The following TFRC variants were observed in gnomAD, a reference collection of about 807,000 sequenced individuals.
The protein encoded by TFRC is transferrin receptor protein 1.
A neutral mutation model predicts 85.8 loss-of-function variants in TFRC; 35 were observed. The ratio of observed to expected loss-of-function variants is 0.41; its 90% CI spans 0.31 to 0.54. The LOEUF (loss-of-function observed/expected upper bound fraction) is 0.54, where lower values mean the gene tolerates loss of function less well. Among genes scored for constraint, TFRC ranks in the 20% least tolerant of loss-of-function variants. The pLI, the probability that TFRC is intolerant of heterozygous loss-of-function variation, is 0.31. For missense variants in TFRC, 828 were observed against 921.5 expected, an observed-to-expected ratio of 0.90 and a Z score of 1.31; for synonymous variants, 362 against 328.6, an observed-to-expected ratio of 1.10 and a Z score of -1.10.
At chr3:196,060,330 CAAAT>C in intron 13 of TFRC, 83 bp from the exon 14 acceptor site, 2 of 1,154,888 alleles carry the variant, frequency 1.7e-6, no homozygotes, top group Non-Finnish European at 2.6e-6. Context: ...AAGTACTTGA[CAAAT>C]AAGACAGTAA....
intron 17 of TFRC, 150 bp from the exon 18 acceptor site, chr3:196,053,708 C>T (rs1439283170): frequency 2.3e-6 from 2 of 853,792 alleles, no homozygotes; most frequent in Non-Finnish European, 3.7e-6. Context: ...ACAGGGGTTC[C>T]AAGCTCTATG....
At position 196,058,622 on chromosome 3, in the gene TFRC, G is replaced by A. The variant is rs761435422; in HGVS notation, c.1547C>T (p.Pro516Leu). 3.7e-6 allele frequency: 6 copies of A among 1,609,398 alleles called. No individual in the cohort carries two copies. The highest frequency in any genetic ancestry group is 2.2e-5 in the South Asian group (2 of 89,758). Residue 516 changes from proline to leucine, a missense_variant, in exon 15 of 19, where the codon CCG becomes CTG. Transcript: ENST00000360110. ...CTGATATAGAAATTGCCCAGTAACC[G>A]GATGCTTCACCTGTAAGATAAGAAA... ...IEKTMQNVKHPVTGQFLYQDS... is the reference protein window; with the variant it reads ...IEKTMQNVKHLVTGQFLYQDS...
At chr3:196,063,600 T>C (rs567342227) in intron 11 of TFRC, among the ~76,000 whole-genome samples, 4 of 151,516 alleles carry the variant, frequency 2.6e-5, no homozygotes, top group South Asian at 4.2e-4. Context: ...TGGGTAGGAG[T>C]GTGAAAGAGT....
At position 196,077,078 on chromosome 3, in the gene TFRC, C is replaced by G; in HGVS notation, c.22G>C (p.Ala8Pro). The change falls in exon 2 of 19, where the codon GCA becomes CCA. Residue 8 changes from alanine (A) to proline (P), a missense_variant. By Grantham distance (27) the Ala-to-Pro change is conservative. Transcript: ENST00000360110. ...AAATATCTTACCAAGTTAGAGAATGCTGATCTAGCTTGATCCATCATTCTG... is the reference window on the plus strand; with the variant it reads ...AAATATCTTACCAAGTTAGAGAATGGTGATCTAGCTTGATCCATCATTCTG... Reference protein sequence around the residue: MMDQARSAFSNLFGGEPL... With the variant: MMDQARSPFSNLFGGEPL... 1 of 1,613,602 alleles carries G rather than the reference C, an allele frequency of 6.2e-7. No homozygotes were observed. The highest frequency in any genetic ancestry group is 1.1e-5 in the South Asian group (1 of 91,014).
chr3:196,066,509 T>C (rs762507697), intron 9 of TFRC, among the ~76,000 whole-genome samples: 1 of 152,132 alleles, frequency 6.6e-6, no homozygotes, highest in Non-Finnish European at 1.5e-5. Context: ...ACCCAAATAA[T>C]AGCTGCTCCT....
At position 196,082,065 on chromosome 3, in the gene TFRC, G is replaced by A. The variant is rs1170967307; in HGVS notation, c.-46C>T. On this transcript the variant is annotated 5_prime_UTR_variant, in exon 1 of 19. Coordinates refer to ENST00000360110, the MANE Select transcript of TFRC (RefSeq NM_001128148.3). ...CACACTAGCGCGTCCTCCGTCCCGA[G>A]CCGCCACCCGATATCCCGACGCTCT... 1 of 153,352 alleles carries A rather than the reference G, an allele frequency of 6.5e-6. No homozygotes were observed. Among genetic ancestry groups the A allele is most frequent in the African/African-American group, 2.4e-5 (1 of 41,482 alleles). The allele number at this position is 153,352 out of a possible 1,614,324, so 9.5% of individuals were successfully genotyped here.
At chr3:196,058,709 T>C in intron 14 of TFRC, 77 bp from the exon 15 acceptor site, 1 of 947,358 alleles carries the variant, frequency 1.1e-6, no homozygotes, top group Non-Finnish European at 1.6e-6. Flanking sequence ...CATGTTACTC[T>C]ATAACAATTT....
intron 6 of TFRC, 87 bp downstream of exon 6, chr3:196,071,309 G>A (rs1193465775): frequency 2.3e-6 from 3 of 1,286,422 alleles, no homozygotes; most frequent in Non-Finnish European, 3.3e-6. Flanking sequence ...CATTTTACAG[G>A]TAAATTTATA....
chr3:196,068,639 T>C (rs1370524939), intron 7 of TFRC, among the ~76,000 whole-genome samples: 3 of 56,078 alleles, frequency 5.3e-5, no homozygotes, highest in South Asian at 5.4e-4. Context: ...AAAAAAAGAA[T>C]AACAAAGGCC....
intron 16 of TFRC, chr3:196,057,927 T>C (rs757349063): frequency 6.7e-5 from 11 of 164,398 alleles, no homozygotes; most frequent in African/African-American, 1.9e-4. Context: ...GTATGTCTGA[T>C]AACAAGGATT....
chr3:196,069,642 T>C lies in TFRC; in HGVS notation c.688-74A>G, dbSNP rs1718029491. 5 of 960,436 alleles carry C rather than the reference T, an allele frequency of 5.2e-6. 1 individual carries two copies. In the South Asian group the frequency reaches 7.7e-5, roughly 15 times the overall value. 59.5% of individuals were successfully genotyped at this position (960,436 alleles called of 1,614,324 possible). On this transcript the variant is annotated intron_variant, in intron 6 of 18. Transcript: ENST00000360110. Reference sequence around the variant, plus strand: ...TCTAAAATCTTGAGACAGAAGAGTGTTATAGATCAAACCTAAGACAGGCAA... The same window carrying C: ...TCTAAAATCTTGAGACAGAAGAGTGCTATAGATCAAACCTAAGACAGGCAA...
Position 196,062,587 on chromosome 3 carries a change from A to G in TFRC, c.1463T>C (p.Val488Ala). ...CTAATGAAAGGGATACTTACCAAGA[A>G]CCGCTTTATCCAGATTAATATAAGT... ...AFTYINLDKA[V>A]LGTSNFKVSA... The change falls in exon 13 of 19, where the codon GTT becomes GCT. Residue 488 changes from valine to alanine, a missense_variant. Physicochemically the swap from Val to Ala is moderately conservative, Grantham distance 64. Transcript: ENST00000360110. 1 of 1,607,554 alleles carries G rather than the reference A, an allele frequency of 6.2e-7. No homozygotes were observed. Among genetic ancestry groups the G allele is most frequent in the Non-Finnish European group, 8.5e-7 (1 of 1,178,120 alleles).
chr3:196,071,576 G>T, intron 5 of TFRC, 78 bp from the exon 6 acceptor site: 1 of 1,372,950 alleles, frequency 7.3e-7, no homozygotes, highest in Non-Finnish European at 1.0e-6. Flanking sequence ...AGTATGTCTT[G>T]CATTATTTGG....
intron 1 of TFRC, among the ~76,000 whole-genome samples, chr3:196,079,200 G>GC (rs554642758): frequency 1.1e-3 from 171 of 152,188 alleles, no homozygotes; most frequent in Non-Finnish European, 1.8e-3. Flanking sequence ...GAACTGGAAG[G>GC]CCCCACCCTG....
intron 2 of TFRC, 54 bp downstream of exon 2, chr3:196,077,010 G>C (rs1718758023): frequency 6.6e-7 from 1 of 1,516,842 alleles, no homozygotes; most frequent in Non-Finnish European, 9.1e-7. Flanking sequence ...TTAAAGTCAT[G>C]CTTGTATATT....
Position 196,050,260 on chromosome 3 carries a change from A to G in TFRC, c.*1682T>C. ...ATCTCATTAAGTAGAGGACCTGGAG[A>G]AACCATAAAGGTAACAAAAACCCAA... On this transcript the variant is annotated 3_prime_UTR_variant, in exon 19 of 19. Coordinates refer to ENST00000360110, the MANE Select transcript of TFRC (RefSeq NM_001128148.3). 4.5e-6 allele frequency: 1 copy of G among 223,402 alleles called. No individual in the cohort carries two copies. The allele number at this position is 223,402 out of a possible 1,614,324, so 13.8% of individuals were successfully genotyped here. A position where few individuals can be genotyped will look rare whatever the true frequency, so the allele number is the denominator to read the frequency against.
intron 18 of TFRC, 69 bp downstream of exon 18, chr3:196,053,349 G>A (rs1716500456): frequency 6.4e-7 from 1 of 1,557,562 alleles, no homozygotes; most frequent in African/African-American, 1.4e-5. Flanking sequence ...TGTCCACTTT[G>A]CAGAAGTGTA....
At chr3:196,079,347 G>A (rs1226923963) in intron 1 of TFRC, among the ~76,000 whole-genome samples, 2 of 152,166 alleles carry the variant, frequency 1.3e-5, no homozygotes, top group East Asian at 1.9e-4. Flanking sequence ...GGTGGCTCAC[G>A]CCTGTAATCC....
At chr3:196,057,797 A>AC (rs983510745) in intron 16 of TFRC, among the ~76,000 whole-genome samples, 1 of 147,104 alleles carries the variant, frequency 6.8e-6, no homozygotes, top group African/African-American at 2.6e-5. Context: ...AAAAAAAAAA[A>AC]ACAAAACAAA....
Sources: gnomAD v4.1 joint callset for allele counts (sites outside exome capture counted in the v4.1 genomes callset) on GRCh38, gnomAD v4.1.1 for gene constraint, MANE v1.5 for transcripts, NCBI Gene and HGNC (gene_info 2026-07-23, HGNC 2026-07-21) for gene names.